The following PRKAG2 variants were observed in gnomAD, a reference collection of about 807,000 sequenced individuals.
PRKAG2 encodes the protein protein kinase AMP-activated non-catalytic subunit gamma 2, also known as 5'-AMP-activated protein kinase subunit gamma-2.
PRKAG2 carries 26 observed loss-of-function variants against 69.6 expected under a neutral mutation model. That is an observed-to-expected ratio of 0.37 (90% CI 0.27 to 0.52). The LOEUF (loss-of-function observed/expected upper bound fraction) is 0.52, where lower values mean the gene tolerates loss of function less well. Ranked by LOEUF, PRKAG2 falls within the 20% of genes least tolerant of loss-of-function variation. PRKAG2 has a pLI of 0.90. For missense variants in PRKAG2, 557 were observed against 740.0 expected (o/e 0.75, Z 2.87); for synonymous variants, 293 against 285.0 (o/e 1.03, Z -0.28).
At chr7:151,646,776 A>T (rs906011889) in intron 4 of PRKAG2, among the ~76,000 whole-genome samples, 1 of 152,172 alleles carries the variant, frequency 6.6e-6, no homozygotes, top group African/African-American at 2.4e-5. Context: ...CATATATGTA[A>T]TATTACAGAT....
intron 5 of PRKAG2, among the ~76,000 whole-genome samples, chr7:151,618,707 G>A (rs1240239657): frequency 1.3e-5 from 2 of 152,188 alleles, no homozygotes; most frequent in African/African-American, 4.8e-5. Flanking sequence ...GGGGTTTGCA[G>A]TGAGCTGAGA....
chr7:151,696,445 G>A (rs1427187864), intron 3 of PRKAG2, among the ~76,000 whole-genome samples: 2 of 152,202 alleles, frequency 1.3e-5, no homozygotes, highest in Non-Finnish European at 1.5e-5. Context: ...GGCAGGTGAG[G>A]AAGTGAGCGC....
intron 3 of PRKAG2, among the ~76,000 whole-genome samples, chr7:151,714,382 G>A (rs1055675168): frequency 4.8e-5 from 7 of 147,176 alleles, no homozygotes; most frequent in Non-Finnish European, 7.5e-5. Flanking sequence ...TCCCATCCGC[G>A]CCCCGCCGTG....
chr7:151,786,585 G>T, intron 1 of PRKAG2, 44 bp from the exon 2 acceptor site: 2 of 1,523,198 alleles, frequency 1.3e-6, no homozygotes, highest in Non-Finnish European at 1.8e-6. Flanking sequence ...GTGGCCCTCG[G>T]GCCCAGGGGC....
chr7:151,691,607 A>G (rs548645225), intron 3 of PRKAG2, among the ~76,000 whole-genome samples: 1 of 152,354 alleles, frequency 6.6e-6, no homozygotes, highest in African/African-American at 2.4e-5. Flanking sequence ...CATTAAAACT[A>G]CAATGAAACA....
intron 4 of PRKAG2, among the ~76,000 whole-genome samples, chr7:151,651,824 A>G (rs551930799): frequency 1.3e-5 from 2 of 152,148 alleles, no homozygotes; most frequent in Non-Finnish European, 2.9e-5. Context: ...CAAGTACTGC[A>G]TGAGCTCACT....
In PRKAG2 at chr7:151,831,416, C is replaced by T. The variant is rs939972812; in HGVS notation, c.115-44875G>A. Among the ~76,000 whole-genome samples, 76 of 152,256 alleles carry T rather than the reference C, an allele frequency of 5.0e-4. 1 individual carries two copies. The highest frequency in any genetic ancestry group is 1.7e-3 in the African/African-American group (70 of 41,526). On this transcript the variant is annotated intron_variant, in intron 1 of 15. Transcript: ENST00000287878. The stretch of plus-strand genomic sequence containing the variant: ...CCAGCCCATAAAAAGGAAGGACTGA[C>T]GCATGGTACAACATGGACGAACCTT...
intron 5 of PRKAG2, among the ~76,000 whole-genome samples, chr7:151,629,548 A>G (rs1328300657): frequency 6.6e-6 from 1 of 152,180 alleles, no homozygotes; most frequent in Non-Finnish European, 1.5e-5. Context: ...CAGAAAAGGG[A>G]TGGCAGCTCC....
intron 1 of PRKAG2, among the ~76,000 whole-genome samples, chr7:151,832,250 A>G (rs75255473): frequency 0.023 from 372 of 16,222 alleles, 2 homozygotes; most frequent in Middle Eastern, 0.17. Flanking sequence ...GAGGGAAGGA[A>G]GGGAGGAGGG....
intron 3 of PRKAG2, among the ~76,000 whole-genome samples, chr7:151,774,830 G>A (rs1265259866): frequency 6.6e-6 from 1 of 152,142 alleles, no homozygotes; most frequent in African/African-American, 2.4e-5. Context: ...GAAAAAGAAA[G>A]AAAACAGTGC....
At chr7:151,855,078 T>TGCTCCACACACACCAC (rs2079688447) in intron 1 of PRKAG2, among the ~76,000 whole-genome samples, 2 of 13,454 alleles carry the variant, frequency 1.5e-4, no homozygotes, top group South Asian at 2.4e-3. Flanking sequence ...ACACACACCA[T>TGCTCCACACACACCAC]CCTCCACACA....
intron 3 of PRKAG2, among the ~76,000 whole-genome samples, chr7:151,694,870 C>T (rs552880969): frequency 2.6e-5 from 4 of 152,324 alleles, no homozygotes; most frequent in South Asian, 4.1e-4. Context: ...GGAGTAAGGA[C>T]ATCCGATGCA....
chr7:151,588,534 C>T (rs1264127291), intron 6 of PRKAG2, among the ~76,000 whole-genome samples: 2 of 110,670 alleles, frequency 1.8e-5, no homozygotes, highest in South Asian at 4.7e-4. Flanking sequence ...AGCTAATTTT[C>T]GTAATTTTAG....
At chr7:151,791,754 T>C (rs760328065) in intron 1 of PRKAG2, among the ~76,000 whole-genome samples, 7 of 152,204 alleles carry the variant, frequency 4.6e-5, no homozygotes, top group Non-Finnish European at 7.3e-5. Flanking sequence ...TTCATCCATC[T>C]CGCTGCCTTA....
At chr7:151,663,627 T>C (rs1440440522) in intron 4 of PRKAG2, among the ~76,000 whole-genome samples, 1 of 152,214 alleles carries the variant, frequency 6.6e-6, no homozygotes, top group Non-Finnish European at 1.5e-5. Flanking sequence ...CCTAGACCGC[T>C]GGGATTACAG....
intron 1 of PRKAG2, among the ~76,000 whole-genome samples, chr7:151,819,030 G>C (rs1280298789): frequency 1.3e-5 from 2 of 152,246 alleles, no homozygotes; most frequent in Non-Finnish European, 2.9e-5. Flanking sequence ...CAGAGGGCTT[G>C]TCAATCAGCT....
At chr7:151,810,332 C>T (rs981876417) in intron 1 of PRKAG2, 1 of 152,248 alleles carries the variant, frequency 6.6e-6, no homozygotes, top group Non-Finnish European at 1.5e-5. Flanking sequence ...AAGAAAAGCC[C>T]ACAAGGTTTC....
At chr7:151,717,363 T>C (rs1796353801) in intron 3 of PRKAG2, among the ~76,000 whole-genome samples, 1 of 151,860 alleles carries the variant, frequency 6.6e-6, no homozygotes, top group Non-Finnish European at 1.5e-5. Flanking sequence ...TGTAATTACA[T>C]GGTTAAAGAA....
At chr7:151,694,074 A>T (rs1836173824) in intron 3 of PRKAG2, among the ~76,000 whole-genome samples, 1 of 152,154 alleles carries the variant, frequency 6.6e-6, no homozygotes, top group Admixed American at 6.5e-5. Flanking sequence ...GGGTTTTACC[A>T]TGTTGGCCAG....
Sources: allele counts gnomAD v4.1 joint callset (sites outside exome capture counted in the v4.1 genomes callset), GRCh38; gene constraint gnomAD v4.1.1; transcripts MANE v1.5; gene names NCBI Gene and HGNC (gene_info 2026-07-23, HGNC 2026-07-21).